ECRG4: variants seen among roughly 807,000 people sequenced by gnomAD.
The protein encoded by ECRG4 is ECRG4 augurin precursor.
In ECRG4, 18 loss-of-function variants were observed where a neutral mutation model predicts 15.8. The observed-to-expected ratio is 1.14, with a 90% CI of 0.79 to 1.69. The LOEUF (loss-of-function observed/expected upper bound fraction) is 1.69. Ranked by LOEUF, ECRG4 falls within the 40% of genes most tolerant of loss-of-function variation. ECRG4 has a pLI of 0.00. For synonymous variants in ECRG4, 82 were observed against 73.9 expected, an observed-to-expected ratio of 1.11 and a Z score of -0.56; for missense variants, 200 against 190.9, an observed-to-expected ratio of 1.05 and a Z score of -0.28.
upstream of ECRG4, among the ~76,000 whole-genome samples, chr2:106,065,273 G>C (rs1287082503): frequency 6.6e-6 from 1 of 152,100 alleles, no homozygotes; most frequent in Admixed American, 6.5e-5. Flanking sequence ...GGAGTAAGGG[G>C]AACAGTGGCG....
At chr2:106,066,955 T>A (rs1225803581) in intron 1 of ECRG4, among the ~76,000 whole-genome samples, 1 of 151,238 alleles carries the variant, frequency 6.6e-6, no homozygotes, top group African/African-American at 2.4e-5. Flanking sequence ...TCATTTCCCG[T>A]TGTATGGTTT....
At chr2:106,069,129 C>CTCTTTCTT (rs754803827) in intron 1 of ECRG4, among the ~76,000 whole-genome samples, 15 of 144,194 alleles carry the variant, frequency 1.0e-4, no homozygotes, top group Non-Finnish European at 1.8e-4. Flanking sequence ...TTCTTCCTTT[C>CTCTTTCTT]TCTTTCTTTC....
At chr2:106,074,867 C>A (rs780026590) in intron 3 of ECRG4, among the ~76,000 whole-genome samples, 3 of 152,180 alleles carry the variant, frequency 2.0e-5, no homozygotes, top group Non-Finnish European at 4.4e-5. Flanking sequence ...GGTGTATACA[C>A]AATACTGCAG....
chr2:106,074,592 T>C (rs1157197077), intron 3 of ECRG4, among the ~76,000 whole-genome samples: 1 of 152,196 alleles, frequency 6.6e-6, no homozygotes, highest in African/African-American at 2.4e-5. Flanking sequence ...ACGTATTCAT[T>C]GAATGAAAGA....
Position 106,077,905 on chromosome 2 carries a change from C to T in ECRG4, c.426C>T (p.Ser142=), listed in dbSNP as rs765930940. Residue 142 remains serine (S), a synonymous_variant, in exon 4 of 4, where the codon AGC becomes AGT. Coordinates refer to ENST00000238044, the MANE Select transcript of ECRG4 (RefSeq NM_032411.3). ...RSPYGFRHGA[S]VNYDDY ...CCTACGGCTTTAGGCATGGAGCCAGCGTCAACTACGATGACTACTAACCAT... is the reference window on the plus strand; with the variant it reads ...CCTACGGCTTTAGGCATGGAGCCAGTGTCAACTACGATGACTACTAACCAT... 9.3e-6 allele frequency: 15 copies of T among 1,613,856 alleles called. No individual in the cohort carries two copies. The highest frequency in any genetic ancestry group is 6.7e-5 in the Admixed American group (4 of 59,964).
intron 1 of ECRG4, among the ~76,000 whole-genome samples, chr2:106,069,973 AT>A (rs1474003639): frequency 2.0e-5 from 3 of 152,294 alleles, no homozygotes; most frequent in Non-Finnish European, 4.4e-5. Context: ...ACAGGCTGCT[AT>A]GCACTACGCC....
At chr2:106,070,806 C>T (rs1239551040) in intron 1 of ECRG4, 1 of 414,766 alleles carries the variant, frequency 2.4e-6, no homozygotes, top group Admixed American at 2.8e-5. Flanking sequence ...TGGAGCCTGT[C>T]CATGGAAGGA....
At chr2:106,067,321 G>T (rs191538225) in intron 1 of ECRG4, among the ~76,000 whole-genome samples, 4 of 152,032 alleles carry the variant, frequency 2.6e-5, no homozygotes, top group African/African-American at 9.6e-5. Flanking sequence ...AATAAAAGAA[G>T]AAGAAGAAAA....
At chr2:106,077,513 A>ACTT (rs921481596) in intron 3 of ECRG4, among the ~76,000 whole-genome samples, 1 of 152,208 alleles carries the variant, frequency 6.6e-6, no homozygotes, top group Admixed American at 6.5e-5. Context: ...TCTGGAATAC[A>ACTT]CTTAGCAAAT....
chr2:106,071,541 G>A (rs74379563), intron 1 of ECRG4, among the ~76,000 whole-genome samples: 2,217 of 152,240 alleles, frequency 0.015, 26 homozygotes, highest in Middle Eastern at 0.027. Flanking sequence ...AGGAAGATGC[G>A]CTTGACAGAT....
chr2:106,076,124 T>C (rs1676481486), intron 3 of ECRG4, among the ~76,000 whole-genome samples: 1 of 152,124 alleles, frequency 6.6e-6, no homozygotes, highest in South Asian at 2.1e-4. Flanking sequence ...GAGACCAGCC[T>C]GACCAACATG....
chr2:106,074,305 A>G, intron 3 of ECRG4: 1 of 393,742 alleles, frequency 2.5e-6, no homozygotes, highest in Non-Finnish European at 4.6e-6. Flanking sequence ...ACCTAGATTC[A>G]TCGAGAATCT....
upstream of ECRG4, among the ~76,000 whole-genome samples, chr2:106,063,573 G>A (rs1027198981): frequency 5.3e-5 from 8 of 152,090 alleles, no homozygotes; most frequent in Admixed American, 1.3e-4. Context: ...GTCATATCCC[G>A]ATTAAGTGAA....
chr2:106,074,240 C>A (rs1676435664), intron 3 of ECRG4, 197 bp downstream of exon 3: 4 of 615,602 alleles, frequency 6.5e-6, no homozygotes, highest in Middle Eastern at 4.4e-4. Flanking sequence ...GAAGTTTCCA[C>A]CAGGGTACAT....
intron 3 of ECRG4, among the ~76,000 whole-genome samples, chr2:106,076,559 C>T (rs934034050): frequency 6.6e-6 from 1 of 152,114 alleles, no homozygotes; most frequent in Non-Finnish European, 1.5e-5. Flanking sequence ...GGCCCAGTAC[C>T]CACCAAGAGT....
At chr2:106,068,629 A>T (rs1325394174) in intron 1 of ECRG4, among the ~76,000 whole-genome samples, 1 of 152,220 alleles carries the variant, frequency 6.6e-6, no homozygotes, top group African/African-American at 2.4e-5. Flanking sequence ...ACATCAGACC[A>T]CATTTCATTC....
At chr2:106,065,084 C>G (rs1189446409), upstream of ECRG4, among the ~76,000 whole-genome samples, 1 of 152,040 alleles carries the variant, frequency 6.6e-6, no homozygotes, top group Non-Finnish European at 1.5e-5. Context: ...GAGACGATTT[C>G]CCGGACTGCA....
intron 3 of ECRG4, 181 bp downstream of exon 3, chr2:106,074,224 T>C: frequency 2.9e-6 from 2 of 682,610 alleles, no homozygotes; most frequent in Non-Finnish European, 4.8e-6. Context: ...GTAAGGGCGA[T>C]GGCTGGAAGT....
At chr2:106,069,462 T>C (rs1057187506) in intron 1 of ECRG4, among the ~76,000 whole-genome samples, 1 of 151,918 alleles carries the variant, frequency 6.6e-6, no homozygotes, top group Admixed American at 6.6e-5. Context: ...GCCTCCTGAG[T>C]AGCTGGGACT....
Sources: allele counts gnomAD v4.1 joint callset (sites outside exome capture counted in the v4.1 genomes callset), GRCh38; gene constraint gnomAD v4.1.1; transcripts MANE v1.5; gene names NCBI Gene and HGNC (gene_info 2026-07-23, HGNC 2026-07-21).